The following ZNF521 variants were observed in gnomAD, a reference collection of about 807,000 sequenced individuals.
The protein encoded by ZNF521 is zinc finger protein 521.
A neutral mutation model predicts 105.5 loss-of-function variants in ZNF521; 14 were observed. The observed-to-expected ratio is 0.13, with a 90% CI of 0.09 to 0.21. ZNF521 has a LOEUF of 0.21. Among genes scored for constraint, ZNF521 ranks in the 10% least tolerant of loss-of-function variants. The probability of loss-of-function intolerance (pLI) is 1.00; values close to 1 mark genes in which losing one functional copy is unlikely to be tolerated. For missense variants in ZNF521, 1,233 were observed against 1,629.7 expected, an observed-to-expected ratio of 0.76 and a Z score of 4.19; for synonymous variants, 635 against 606.0, an observed-to-expected ratio of 1.05 and a Z score of -0.70.
chr18:25,080,932 T>A (rs1261512246), intron 7 of ZNF521, among the ~76,000 whole-genome samples: 1 of 152,214 alleles, frequency 6.6e-6, no homozygotes, highest in Non-Finnish European at 1.5e-5. Context: ...ATTTCTGGAT[T>A]TCTCCAAAGG....
At chr18:25,098,075 G>A (rs2033889775) in intron 5 of ZNF521, among the ~76,000 whole-genome samples, 1 of 134,072 alleles carries the variant, frequency 7.5e-6, no homozygotes, top group Admixed American at 7.2e-5. Flanking sequence ...GATTTTAGAT[G>A]CTCTGAGATG....
At chr18:25,349,601 G>A (rs972948980) in intron 2 of ZNF521, among the ~76,000 whole-genome samples, 84 of 152,232 alleles carry the variant, frequency 5.5e-4, no homozygotes, top group African/African-American at 1.5e-3. Flanking sequence ...AGCGGCCGGG[G>A]GCCGGGAGGC....
intron 4 of ZNF521, chr18:25,201,649 G>A (rs1252099530): frequency 6.6e-6 from 1 of 152,114 alleles, no homozygotes; most frequent in Non-Finnish European, 1.5e-5. Context: ...TCTATTTCAA[G>A]GCTTTTAAGG....
chr18:25,089,364 G>C, intron 7 of ZNF521, 101 bp downstream of exon 7: 1 of 855,608 alleles, frequency 1.2e-6, no homozygotes, highest in South Asian at 1.6e-5. Flanking sequence ...CATCATGGTG[G>C]CCCAGGGTGA....
At chr18:25,130,946 AAATCAATCAATCAATC>A (rs56985443) in intron 5 of ZNF521, among the ~76,000 whole-genome samples, 14 of 150,940 alleles carry the variant, frequency 9.3e-5, no homozygotes, top group East Asian at 2.0e-4. Flanking sequence ...CTGTCTCTAA[AAATCAATCAATCAATC>A]AATCAATCAA....
rs189692389 is a variant in ZNF521 at position 25,066,466 on chromosome 18, C to T, written c.3907-3725G>A. Among the ~76,000 whole-genome samples, 453 of 152,284 alleles carry T rather than the reference C, an allele frequency of 3.0e-3. 1 individual carries two copies. Among genetic ancestry groups the T allele is most frequent in the Admixed American group, 4.7e-3 (72 of 15,300 alleles). On this transcript the variant is annotated intron_variant, in intron 7 of 7. Coordinates refer to ENST00000361524, the MANE Select transcript of ZNF521 (RefSeq NM_015461.3). ...TGGAATATCTGAGCCATGGTTTATT[C>T]GATTGGCTTTTAGGTGTTGGTGAGA...
intron 4 of ZNF521, among the ~76,000 whole-genome samples, chr18:25,197,976 C>T (rs1190607097): frequency 2.0e-5 from 3 of 151,576 alleles, no homozygotes; most frequent in South Asian, 2.1e-4. Flanking sequence ...ATATAAAAGA[C>T]AACAAAAAAA....
intron 5 of ZNF521, among the ~76,000 whole-genome samples, chr18:25,117,054 T>TACACACACAC (rs71167848): frequency 3.1e-5 from 2 of 64,674 alleles, no homozygotes; most frequent in Admixed American, 1.8e-4. Context: ...CACATATATA[T>TACACACACAC]ACACACACAC....
At chr18:25,148,705 G>T (rs2034991248) in intron 5 of ZNF521, among the ~76,000 whole-genome samples, 1 of 152,000 alleles carries the variant, frequency 6.6e-6, no homozygotes, top group Non-Finnish European at 1.5e-5. Flanking sequence ...TTCGGTCATA[G>T]TCAGTGAAGG....
chr18:25,171,757 CAAT>C (rs2035452851), intron 5 of ZNF521, among the ~76,000 whole-genome samples: 2 of 152,140 alleles, frequency 1.3e-5, no homozygotes, highest in African/African-American at 4.8e-5. Flanking sequence ...AGAGTTAATT[CAAT>C]GATGCTAAGA....
At chr18:25,344,499 AG>A (rs1381064662) in intron 2 of ZNF521, among the ~76,000 whole-genome samples, 1 of 152,244 alleles carries the variant, frequency 6.6e-6, no homozygotes, top group Non-Finnish European at 1.5e-5. Context: ...AACAAAAAAC[AG>A]GAACATTTCA....
At chr18:25,220,285 C>G (rs1238710733) in intron 4 of ZNF521, among the ~76,000 whole-genome samples, 1 of 152,120 alleles carries the variant, frequency 6.6e-6, no homozygotes, top group Non-Finnish European at 1.5e-5. Context: ...ATGCATTGGT[C>G]AATTAGGCCA....
intron 3 of ZNF521, among the ~76,000 whole-genome samples, chr18:25,243,123 A>AT (rs1282725301): frequency 6.6e-6 from 1 of 152,168 alleles, no homozygotes; most frequent in African/African-American, 2.4e-5. Flanking sequence ...GCTTCATCTG[A>AT]TTAGATAACC....
At chr18:25,215,731 T>C (rs2036268295) in intron 4 of ZNF521, among the ~76,000 whole-genome samples, 1 of 152,262 alleles carries the variant, frequency 6.6e-6, no homozygotes, top group East Asian at 1.9e-4. Flanking sequence ...AATCTAGGAA[T>C]GGTAGATGCA....
intron 5 of ZNF521, among the ~76,000 whole-genome samples, chr18:25,096,457 G>A (rs1348086715): frequency 1.3e-5 from 2 of 152,194 alleles, no homozygotes; most frequent in Non-Finnish European, 2.9e-5. Context: ...TAAATTATGA[G>A]CTCCAAGGTG....
At chr18:25,091,776 T>A (rs2033752138) in intron 6 of ZNF521, among the ~76,000 whole-genome samples, 174 bp downstream of exon 6, 1 of 152,220 alleles carries the variant, frequency 6.6e-6, no homozygotes, top group African/African-American at 2.4e-5. Flanking sequence ...CATGTGAGCC[T>A]TTAAGTAGGC....
At chr18:25,336,352 T>C (rs1443115130) in intron 2 of ZNF521, among the ~76,000 whole-genome samples, 1 of 152,200 alleles carries the variant, frequency 6.6e-6, no homozygotes, top group Non-Finnish European at 1.5e-5. Context: ...TAAGGATTAT[T>C]AATAAATCTG....
At chr18:25,343,211 A>G (rs1019113899) in intron 2 of ZNF521, among the ~76,000 whole-genome samples, 5 of 152,226 alleles carry the variant, frequency 3.3e-5, no homozygotes, top group Admixed American at 1.3e-4. Flanking sequence ...AAATTTTGAG[A>G]AAAAGCCAAT....
chr18:25,349,667 G>A (rs1459089044), intron 2 of ZNF521, among the ~76,000 whole-genome samples: 1 of 151,768 alleles, frequency 6.6e-6, no homozygotes. Context: ...GAGTCGGGAA[G>A]CTGGTGCGGG....
Sources: gnomAD v4.1 joint callset for allele counts (sites outside exome capture counted in the v4.1 genomes callset) on GRCh38, gnomAD v4.1.1 for gene constraint, MANE v1.5 for transcripts, NCBI Gene and HGNC (gene_info 2026-07-23, HGNC 2026-07-21) for gene names.